Variants in SV2C observed in about 807,000 individuals in gnomAD.
SV2C encodes solute carrier family 22 member B3.
SV2C carries 49 observed loss-of-function variants against 79.7 expected under a neutral mutation model. The ratio of observed to expected loss-of-function variants is 0.61; its 90% CI spans 0.49 to 0.78. The LOEUF is 0.78. Ranked by LOEUF, SV2C falls within the 30% of genes least tolerant of loss-of-function variation. The pLI, the probability that SV2C is intolerant of heterozygous loss-of-function variation, is 0.00. For missense variants in SV2C, 833 were observed against 912.9 expected (o/e 0.91, Z 1.13); for synonymous variants, 334 against 333.2 (o/e 1.00, Z -0.03).
intron 2 of SV2C, among the ~76,000 whole-genome samples, chr5:76,136,450 G>A (rs1281835875): frequency 6.6e-6 from 1 of 152,136 alleles, no homozygotes; most frequent in Non-Finnish European, 1.5e-5. Context: ...TTAGTATATT[G>A]TGATCTGTGT....
chr5:76,325,486 T>C lies in SV2C; in HGVS notation c.2123T>C (p.Leu708Pro). 6.2e-7 allele frequency: 1 copy of C among 1,614,206 alleles called. No homozygotes were observed. Among genetic ancestry groups the C allele is most frequent in the Non-Finnish European group, 8.5e-7 (1 of 1,180,036 alleles). The change falls in exon 13 of 13, where the codon CTC becomes CCC. Residue 708 changes from leucine to proline, a missense_variant. Transcript: ENST00000502798. ...SIPILLASTV[L>P]VCGGLVGLCL... is the part of the protein sequence containing the mutation. ...CCCATCCTGCTGGCTTCTACTGTGC[T>C]CGTGTGTGGAGGACTCGTTGGGCTG...
chr5:76,036,909 C>T, the SV2C span, among the ~76,000 whole-genome samples: 1 of 152,238 alleles, frequency 6.6e-6, no homozygotes, highest in Non-Finnish European at 1.5e-5. Context: ...GGTCTTTTCA[C>T]ACAGTCCCAT....
chr5:75,854,032 G>A, the SV2C span, among the ~76,000 whole-genome samples: 1 of 148,374 alleles, frequency 6.7e-6, no homozygotes, highest in Admixed American at 6.7e-5. Context: ...TTCCTTTGGA[G>A]TCAGTCCCCA....
chr5:75,885,706 T>A, the SV2C span, among the ~76,000 whole-genome samples: 1 of 152,244 alleles, frequency 6.6e-6, no homozygotes, highest in Admixed American at 6.5e-5. Context: ...TGTGCCACCA[T>A]GTCAGCTAAC....
the SV2C span, chr5:76,075,397 T>C: frequency 6.6e-6 from 1 of 152,408 alleles, no homozygotes; most frequent in African/African-American, 2.4e-5. Context: ...TCATGACTGA[T>C]TTGGACCAAT....
At chr5:76,238,025 C>T (rs1444957052) in intron 4 of SV2C, among the ~76,000 whole-genome samples, 1 of 97,088 alleles carries the variant, frequency 1.0e-5, no homozygotes, top group African/African-American at 4.7e-5. Context: ...CACAATCACA[C>T]ATACACACAC....
chr5:75,932,007 C>A, the SV2C span, among the ~76,000 whole-genome samples: 3 of 152,158 alleles, frequency 2.0e-5, no homozygotes, highest in South Asian at 6.2e-4. Context: ...CATACAGCAG[C>A]CATATTGTGT....
downstream of SV2C, among the ~76,000 whole-genome samples, chr5:76,338,225 A>C (rs1313098333): frequency 6.6e-6 from 1 of 152,226 alleles, no homozygotes; most frequent in African/African-American, 2.4e-5. Flanking sequence ...ATAGGACAGG[A>C]TAAGCTCCAA....
chr5:76,233,590 T>C (rs2112404805), intron 4 of SV2C, among the ~76,000 whole-genome samples: 1 of 148,444 alleles, frequency 6.7e-6, no homozygotes, highest in East Asian at 1.9e-4. Context: ...CATAGATAGC[T>C]CTTATTATTT....
At chr5:75,858,151 A>G in the SV2C span, among the ~76,000 whole-genome samples, 1 of 152,200 alleles carries the variant, frequency 6.6e-6, no homozygotes, top group Non-Finnish European at 1.5e-5. Context: ...GGTGAATAAC[A>G]GTGGCGGAAG....
the SV2C span, among the ~76,000 whole-genome samples, chr5:76,030,289 T>TTTTTTTTTTTTTA: frequency 9.3e-5 from 11 of 117,902 alleles, no homozygotes; most frequent in African/African-American, 3.1e-4. Context: ...TTTTTTTTTT[T>TTTTTTTTTTTTTA]TTTATTTATT....
intron 1 of SV2C, among the ~76,000 whole-genome samples, chr5:76,087,736 C>A (rs1005573372): frequency 1.3e-5 from 2 of 152,184 alleles, no homozygotes; most frequent in Non-Finnish European, 2.9e-5. Flanking sequence ...AAGAACCCAG[C>A]ATGCATGGAC....
chr5:76,194,857 C>A, intron 2 of SV2C, 62 bp from the exon 3 acceptor site: 1 of 1,560,710 alleles, frequency 6.4e-7, no homozygotes, highest in Admixed American at 1.9e-5. Context: ...TGTTCACTTG[C>A]TGTTACATGT....
the SV2C span, chr5:75,921,775 G>A: frequency 1.4e-4 from 48 of 331,446 alleles, 1 homozygote; most frequent in Admixed American, 1.1e-3. Flanking sequence ...TACCAAGCTC[G>A]TGCCAAGGAT....
At chr5:75,999,725 AT>A in the SV2C span, among the ~76,000 whole-genome samples, 1 of 150,296 alleles carries the variant, frequency 6.7e-6, no homozygotes, top group Non-Finnish European at 1.5e-5. Flanking sequence ...AGGCTGAGTT[AT>A]TTATTAACAG....
chr5:76,046,604 C>T, the SV2C span, among the ~76,000 whole-genome samples: 1 of 152,302 alleles, frequency 6.6e-6, no homozygotes, highest in East Asian at 1.9e-4. Context: ...CAACTGCATT[C>T]CACAGCACTA....
chr5:75,991,289 A>G, the SV2C span, among the ~76,000 whole-genome samples: 14 of 151,578 alleles, frequency 9.2e-5, no homozygotes, highest in African/African-American at 3.4e-4. Flanking sequence ...GTTTTTGCCA[A>G]TTTCCTATTG....
the SV2C span, among the ~76,000 whole-genome samples, chr5:76,041,526 AAGCTC>A: frequency 6.6e-6 from 1 of 152,292 alleles, no homozygotes; most frequent in South Asian, 2.1e-4. Context: ...GCCTAAAAGC[AAGCTC>A]AGGACATCTG....
intron 4 of SV2C, among the ~76,000 whole-genome samples, chr5:76,255,738 G>A (rs1265933012): frequency 6.6e-6 from 1 of 152,142 alleles, no homozygotes; most frequent in East Asian, 1.9e-4. Context: ...GCCACCTTAT[G>A]CGCCCCCCTC....
Sources: gnomAD v4.1 joint callset for allele counts (sites outside exome capture counted in the v4.1 genomes callset) on GRCh38, gnomAD v4.1.1 for gene constraint, MANE v1.5 for transcripts, NCBI Gene and HGNC (gene_info 2026-07-23, HGNC 2026-07-21) for gene names.